The following HPN variants were observed in gnomAD, a reference collection of about 807,000 sequenced individuals.
The protein encoded by HPN is serine protease hepsin.
In HPN, 13 loss-of-function variants were observed where a neutral mutation model predicts 55.9. The observed-to-expected ratio is 0.23, with a 90% CI of 0.15 to 0.37. The LOEUF is 0.37. Ranked by LOEUF, HPN falls within the 10% of genes least tolerant of loss-of-function variation. The pLI, the probability that HPN is intolerant of heterozygous loss-of-function variation, is 1.00. For synonymous variants in HPN, 225 were observed against 240.3 expected, an observed-to-expected ratio of 0.94 and a Z score of 0.59; for missense variants, 451 against 575.8, an observed-to-expected ratio of 0.78 and a Z score of 2.22.
chr19:35,061,183 T>C (rs1255516813), intron 9 of HPN, among the ~76,000 whole-genome samples: 1 of 152,186 alleles, frequency 6.6e-6, no homozygotes, highest in Non-Finnish European at 1.5e-5. Flanking sequence ...GACTGTTTCA[T>C]CGGACAAATG....
At chr19:35,058,148 G>A (rs1348116480) in intron 4 of HPN, among the ~76,000 whole-genome samples, 4 of 151,494 alleles carry the variant, frequency 2.6e-5, no homozygotes, top group South Asian at 2.1e-4. Context: ...GTGAGACTCC[G>A]TCTCAAAAAA....
At chr19:35,048,679 A>G (rs926404574) in intron 2 of HPN, among the ~76,000 whole-genome samples, 2 of 152,264 alleles carry the variant, frequency 1.3e-5, no homozygotes, top group Admixed American at 1.3e-4. Flanking sequence ...AGATCGCTTC[A>G]GCCCAGGAGT....
At chr19:35,051,734 C>T (rs546947857) in intron 4 of HPN, among the ~76,000 whole-genome samples, 2 of 151,762 alleles carry the variant, frequency 1.3e-5, no homozygotes, top group African/African-American at 2.4e-5. Flanking sequence ...TAAAGACTGA[C>T]ATATGCCAGG....
intron 1 of HPN, 64 bp downstream of exon 1, chr19:35,041,936 C>G: frequency 1.0e-5 from 13 of 1,257,754 alleles, no homozygotes; most frequent in African/African-American, 1.6e-5. Flanking sequence ...CTCATCCCCC[C>G]ACCCAGCCTA....
At chr19:35,061,858 G>T (rs1266123443) in intron 9 of HPN, among the ~76,000 whole-genome samples, 1 of 152,072 alleles carries the variant, frequency 6.6e-6, no homozygotes, top group Non-Finnish European at 1.5e-5. Flanking sequence ...TTGTGCTCAG[G>T]AGTTTAAGAC....
chr19:35,060,579 C>G (rs776435883), intron 8 of HPN, 48 bp from the exon 9 acceptor site: 2 of 1,611,542 alleles, frequency 1.2e-6, no homozygotes, highest in Non-Finnish European at 1.7e-6. Context: ...GGGAGGAGGG[C>G]GGATTGTGCC....
rs144389296 is a variant in HPN, at chr19:35,049,334, C to G, written c.61C>G (p.Leu21Val). The G allele has an allele frequency of 2.5e-6, 4 of 1,597,488 alleles. No individual in the cohort carries two copies. Among genetic ancestry groups the G allele is most frequent in the Admixed American group, 3.4e-5 (2 of 58,882 alleles). Residue 21 changes from leucine (L) to valine (V), a missense_variant, in exon 3 of 13, where the codon CTC (leucine) becomes GTC (valine). Physicochemically the swap from Leu to Val is conservative, Grantham distance 32. Around this residue, in one of 2 missense-constraint regions of HPN, gnomAD observed 378 missense variants for 445.5 expected, o/e 0.85. Coordinates refer to ENST00000672452, the MANE Select transcript of HPN (RefSeq NM_001384133.1). ...PCCSRPKVAA[L>V]TAGTLLLLTA... ...CTGCTCCAGACCCAAGGTGGCAGCTCTCACTGCGGGGACCCTGCTACTTCT... is the reference window on the plus strand; with the variant it reads ...CTGCTCCAGACCCAAGGTGGCAGCTGTCACTGCGGGGACCCTGCTACTTCT...
chr19:35,043,638 G>A (rs1442636493), intron 2 of HPN, among the ~76,000 whole-genome samples: 1 of 152,194 alleles, frequency 6.6e-6, no homozygotes, highest in African/African-American at 2.4e-5. Flanking sequence ...GCCTCCTCGG[G>A]TCTCGGCACA....
intron 2 of HPN, among the ~76,000 whole-genome samples, chr19:35,047,918 C>T (rs1486421272): frequency 1.3e-5 from 2 of 150,146 alleles, no homozygotes; most frequent in African/African-American, 4.9e-5. Context: ...TGAGCCTGAG[C>T]GCTTGAGACT....
intron 2 of HPN, among the ~76,000 whole-genome samples, chr19:35,046,427 T>C (rs534845613): frequency 6.6e-6 from 1 of 152,192 alleles, no homozygotes; most frequent in South Asian, 2.1e-4. Flanking sequence ...GTATTTTTAG[T>C]AGAGGCGGGG....
intron 2 of HPN, among the ~76,000 whole-genome samples, chr19:35,048,103 GA>G (rs1328766658): frequency 7.1e-6 from 1 of 140,550 alleles, no homozygotes; most frequent in African/African-American, 2.7e-5. Context: ...GGAAGGAAAA[GA>G]AAAAAACTGA....
chr19:35,055,916 CT>C (rs2064450616), intron 4 of HPN, among the ~76,000 whole-genome samples: 1 of 152,186 alleles, frequency 6.6e-6, no homozygotes, highest in Non-Finnish European at 1.5e-5. Flanking sequence ...GGGCCCTCCC[CT>C]GGCTGCACCT....
At position 35,060,653 on chromosome 19, in the gene HPN, G is replaced by A. The variant is rs752238031; in HGVS notation, c.647G>A (p.Arg216Gln). 7.4e-6 allele frequency: 12 copies of A among 1,613,974 alleles called. No homozygotes were observed. The highest frequency in any genetic ancestry group is 4.4e-5 in the South Asian group (4 of 91,090). The change falls in exon 9 of 13, where the codon CGA (arginine) becomes CAA (glutamine). Residue 216 changes from arginine (R) to glutamine (Q), a missense_variant. By Grantham distance (43) the Arg-to-Gln change is conservative (BLOSUM62 1). Around this residue, in one of 2 missense-constraint regions of HPN, gnomAD observed 378 missense variants for 445.5 expected, o/e 0.85. Coordinates refer to ENST00000672452, the MANE Select transcript of HPN (RefSeq NM_001384133.1). ...PERNRVLSRW[R>Q]VFAGAVAQAS... is the part of the protein sequence containing the mutation. The stretch of plus-strand genomic sequence containing the variant: ...CGGAACCGGGTCCTGTCCCGATGGC[G>A]AGTGTTTGCCGGTGCCGTGGCCCAG...
At chr19:35,065,727 G>A (rs886672255) in intron 11 of HPN, 46 bp downstream of exon 11, 5 of 1,611,258 alleles carry the variant, frequency 3.1e-6, no homozygotes, top group Non-Finnish European at 4.2e-6. Context: ...GCCACCCCAG[G>A]GATGGAGATG....
chr19:35,062,418 T>TAA (rs55726903), intron 9 of HPN, among the ~76,000 whole-genome samples: 1 of 152,184 alleles, frequency 6.6e-6, no homozygotes, highest in Non-Finnish European at 1.5e-5. Context: ...GAAAATGTGT[T>TAA]AAAAATGAAT....
chr19:35,059,070 C>G (rs931761616), intron 4 of HPN: 1 of 163,916 alleles, frequency 6.1e-6, no homozygotes, highest in Non-Finnish European at 1.3e-5. Flanking sequence ...GAGCAGCCAA[C>G]TTAGGACTTC....
intron 4 of HPN, among the ~76,000 whole-genome samples, chr19:35,058,583 T>G (rs548533170): frequency 2.5e-4 from 36 of 146,618 alleles, no homozygotes; most frequent in Non-Finnish European, 4.5e-4. Context: ...ATTATAATAA[T>G]ATATTATTAT....
intron 4 of HPN, among the ~76,000 whole-genome samples, chr19:35,054,523 C>T (rs914461032): frequency 3.3e-5 from 5 of 152,104 alleles, no homozygotes; most frequent in African/African-American, 1.2e-4. Flanking sequence ...CCACTGACAC[C>T]CCCCAGTAAA....
At position 35,060,879 on chromosome 19, in the gene HPN, A is replaced by G. The variant is rs946913893; in HGVS notation, c.811+62A>G. 3.6e-6 allele frequency: 5 copies of G among 1,393,504 alleles called. No individual in the cohort carries two copies. In the Admixed American group the frequency reaches 9.2e-5, roughly 26 times the overall value. The allele number at this position is 1,393,504 out of a possible 1,614,324, so 86.3% of individuals were successfully genotyped here. A position where few individuals can be genotyped will look rare whatever the true frequency, so the allele number is the denominator to read the frequency against. On this transcript the variant is annotated intron_variant, in intron 9 of 12. Coordinates refer to ENST00000672452, the MANE Select transcript of HPN (RefSeq NM_001384133.1). ...CGAGGCCAGGAGGACAGAGGAGGGG[A>G]CCAGGGGCACAAGGCAATCAACTTA...
Sources: gnomAD v4.1 joint callset for allele counts (sites outside exome capture counted in the v4.1 genomes callset) on GRCh38, gnomAD v4.1.1 for gene constraint, gnomAD v4.1.1 regional missense constraint, MANE v1.5 for transcripts, NCBI Gene and HGNC (gene_info 2026-07-23, HGNC 2026-07-21) for gene names.